The following ABI1 variants were observed in gnomAD, a reference collection of about 807,000 sequenced individuals.
ABI1 encodes Abelson interactor 1.
Under a neutral mutation model 54.6 loss-of-function variants are expected in ABI1, and 14 were observed. That is an observed-to-expected ratio of 0.26 (90% CI 0.17 to 0.40). The LOEUF is 0.40. Among genes scored for constraint, ABI1 ranks in the 10% least tolerant of loss-of-function variants. The pLI is 1.00. For synonymous variants in ABI1, 194 were observed against 209.3 expected (o/e 0.93, Z 0.63); for missense variants, 443 against 598.3 (o/e 0.74, Z 2.71).
intron 2 of ABI1, among the ~76,000 whole-genome samples, chr10:26,777,670 G>A (rs984241065): frequency 6.6e-6 from 1 of 152,122 alleles, no homozygotes; most frequent in African/African-American, 2.4e-5. Flanking sequence ...AGCTACTGGG[G>A]ACATGAAGTG....
At chr10:26,849,267 G>C (rs901042883) in intron 1 of ABI1, among the ~76,000 whole-genome samples, 1 of 151,976 alleles carries the variant, frequency 6.6e-6, no homozygotes, top group South Asian at 2.1e-4. Context: ...CAATGTCACA[G>C]ACGATACTAG....
rs1173097434 is a variant in ABI1 at position 26,747,913 on chromosome 10, A to G, written c.*657T>C. 2 of 195,474 alleles carry G rather than the reference A, an allele frequency of 1.0e-5. No homozygotes were observed. The highest frequency in any genetic ancestry group is 2.1e-5 in the Non-Finnish European group (2 of 94,292). 12.1% of individuals were successfully genotyped at this position (195,474 alleles called of 1,614,324 possible). A position where few individuals can be genotyped will look rare whatever the true frequency, so the allele number is the denominator to read the frequency against. Reference sequence around the variant, plus strand: ...ATGTATTTATGAATGGAAAAAGTTTATAATGCAAATTTCACTCATTAAAAA... The same window carrying G: ...ATGTATTTATGAATGGAAAAAGTTTGTAATGCAAATTTCACTCATTAAAAA... On this transcript the variant is annotated 3_prime_UTR_variant, in exon 11 of 11. Transcript: ENST00000376140.
At chr10:26,812,641 G>A (rs200215687) in intron 2 of ABI1, among the ~76,000 whole-genome samples, 1 of 152,134 alleles carries the variant, frequency 6.6e-6, no homozygotes, top group Non-Finnish European at 1.5e-5. Context: ...ACTTTCTCAC[G>A]ACTCAGGAAG....
chr10:26,840,874 A>G (rs1352974394), intron 1 of ABI1, among the ~76,000 whole-genome samples: 1 of 152,206 alleles, frequency 6.6e-6, no homozygotes, highest in East Asian at 1.9e-4. Context: ...AAAGGCATTC[A>G]CCTCAGTATA....
At chr10:26,788,081 T>G (rs1014394538) in intron 2 of ABI1, among the ~76,000 whole-genome samples, 1 of 152,198 alleles carries the variant, frequency 6.6e-6, no homozygotes, top group Non-Finnish European at 1.5e-5. Flanking sequence ...GGGAGATAAT[T>G]TTAATCACGG....
chr10:26,856,291 C>A (rs541425497), intron 1 of ABI1, among the ~76,000 whole-genome samples: 7 of 149,104 alleles, frequency 4.7e-5, no homozygotes, highest in Admixed American at 4.7e-4. Context: ...AAAAAAAAAA[C>A]CCATTCAGGA....
chr10:26,780,151 C>T (rs1299443374), intron 2 of ABI1, among the ~76,000 whole-genome samples: 1 of 152,138 alleles, frequency 6.6e-6, no homozygotes, highest in Non-Finnish European at 1.5e-5. Context: ...ACCCATTTCC[C>T]CCATCAGAAA....
intron 2 of ABI1, among the ~76,000 whole-genome samples, chr10:26,786,852 T>A (rs576269462): frequency 6.6e-6 from 1 of 152,312 alleles, no homozygotes; most frequent in Non-Finnish European, 1.5e-5. Context: ...CTTTATCTAT[T>A]CAAGAACCCT....
At chr10:26,851,958 C>T (rs138180461) in intron 1 of ABI1, among the ~76,000 whole-genome samples, 4 of 151,928 alleles carry the variant, frequency 2.6e-5, no homozygotes, top group South Asian at 2.1e-4. Context: ...ATGTTGAGGG[C>T]GCACTTTTGA....
At chr10:26,781,478 T>C (rs1842094816) in intron 2 of ABI1, among the ~76,000 whole-genome samples, 1 of 152,234 alleles carries the variant, frequency 6.6e-6, no homozygotes, top group Non-Finnish European at 1.5e-5. Context: ...CCTGTTTCAC[T>C]GATGATTCAA....
chr10:26,858,454 CTT>C (rs375525589), intron 1 of ABI1, among the ~76,000 whole-genome samples: 3 of 118,156 alleles, frequency 2.5e-5, no homozygotes, highest in African/African-American at 3.1e-5. Context: ...TGCGTGAATT[CTT>C]TTTTTTTTTT....
In ABI1 at chr10:26,773,215, C is replaced by CTTTTTTTTTTTTT. The variant is rs58739177; in HGVS notation, c.463-2139_463-2127dup. On this transcript the variant is annotated intron_variant, in intron 3 of 10. Transcript: ENST00000376140. Reference sequence around the variant, plus strand: ...AGGCACTAAATGTCTAATGCTAATTCTTTTTTTTTTTTTGCTGGCTCTGTT... The same window carrying CTTTTTTTTTTTTT: ...AGGCACTAAATGTCTAATGCTAATTCTTTTTTTTTTTTTTTTTTTTTTTTTTGCTGGCTCTGTT... Among the ~76,000 whole-genome samples, 20 of 92,478 alleles carry CTTTTTTTTTTTTT rather than the reference C, an allele frequency of 2.2e-4. 1 individual carries two copies. Among genetic ancestry groups the CTTTTTTTTTTTTT allele is most frequent in the East Asian group, 9.1e-4 (2 of 2,202 alleles). 60.7% of individuals were successfully genotyped at this position (92,478 alleles called of 152,430 possible).
In ABI1 at chr10:26,759,099, A is replaced by T; in HGVS notation, c.960T>A (p.Pro320=). Residue 320 remains proline, a synonymous_variant, in exon 8 of 11, where the codon CCT becomes CCA. Coordinates refer to ENST00000376140, the MANE Select transcript of ABI1 (RefSeq NM_001012750.3). The part of the protein sequence containing the change: ...PSVTAQFSAQ[P]HVNGGPLYSQ... ...AATAAAGTGGACCTCCATTAACATG[A>T]GGCTGAGCAGAAAATTGAGCAGTCA... is the stretch of plus-strand genomic sequence containing the variant. The T allele has an allele frequency of 6.2e-7, 1 of 1,614,092 alleles. No individual in the cohort carries two copies. Among genetic ancestry groups the T allele is most frequent in the Non-Finnish European group, 8.5e-7 (1 of 1,179,982 alleles).
intron 3 of ABI1, among the ~76,000 whole-genome samples, chr10:26,773,212 A>ATTTTTTTTTTTTTTTTTTTTTTTTTTTTT: frequency 1.6e-5 from 1 of 63,366 alleles, no homozygotes. Flanking sequence ...TCTAATGCTA[A>ATTTTTTTTTTTTTTTTTTTTTTTTTTTTT]TTCTTTTTTT....
intron 1 of ABI1, among the ~76,000 whole-genome samples, chr10:26,850,721 T>C (rs2050320390): frequency 6.7e-6 from 1 of 149,952 alleles, no homozygotes; most frequent in South Asian, 2.1e-4. Context: ...GGGTGGTTGG[T>C]AGTGATAGGT....
At chr10:26,832,630 C>T (rs1170094672) in intron 1 of ABI1, among the ~76,000 whole-genome samples, 1 of 151,972 alleles carries the variant, frequency 6.6e-6, no homozygotes, top group Non-Finnish European at 1.5e-5. Flanking sequence ...TGTATGTTAA[C>T]ACCAATGGAA....
intron 2 of ABI1, among the ~76,000 whole-genome samples, chr10:26,799,775 T>C (rs2046423193): frequency 6.6e-6 from 1 of 152,184 alleles, no homozygotes; most frequent in Admixed American, 6.5e-5. Flanking sequence ...TTAGAAATGA[T>C]CTTAATGACA....
intron 1 of ABI1, among the ~76,000 whole-genome samples, chr10:26,826,862 C>T (rs1474929029): frequency 6.6e-6 from 1 of 152,104 alleles, no homozygotes. Context: ...CAGTTAGGGC[C>T]TTGTTCTGAA....
intron 2 of ABI1, among the ~76,000 whole-genome samples, chr10:26,783,698 C>A (rs1464912020): frequency 1.3e-5 from 2 of 152,166 alleles, no homozygotes; most frequent in South Asian, 2.1e-4. Flanking sequence ...GGCAACCCAG[C>A]CAAAAGGAGG....
Sources: gnomAD v4.1 joint callset for allele counts (sites outside exome capture counted in the v4.1 genomes callset) on GRCh38, gnomAD v4.1.1 for gene constraint, MANE v1.5 for transcripts, NCBI Gene and HGNC (gene_info 2026-07-23, HGNC 2026-07-21) for gene names.